The following CFDP1 variants were observed in gnomAD, a reference collection of about 807,000 sequenced individuals.
The protein encoded by CFDP1 is heterochromatin-stabilizing protein CFDP1.
A neutral mutation model predicts 40.1 loss-of-function variants in CFDP1; 31 were observed. That is an observed-to-expected ratio of 0.77 (90% CI 0.58 to 1.04). CFDP1 has a LOEUF of 1.04. CFDP1 is among the 50% of genes least tolerant of loss of function. CFDP1 has a pLI of 0.00. For synonymous variants in CFDP1, 167 were observed against 120.0 expected (o/e 1.39, Z -2.56); for missense variants, 423 against 343.4 (o/e 1.23, Z -1.83).
chr16:75,327,743 G>C (rs1361619415), intron 5 of CFDP1, among the ~76,000 whole-genome samples: 1 of 152,118 alleles, frequency 6.6e-6, no homozygotes, highest in Non-Finnish European at 1.5e-5. Context: ...ATTATTTTGA[G>C]ACAGTGTTTG....
chr16:75,334,662 T>C (rs771187220), intron 5 of CFDP1, among the ~76,000 whole-genome samples: 4 of 151,902 alleles, frequency 2.6e-5, no homozygotes, highest in Non-Finnish European at 5.9e-5. Context: ...CTTATGAAAT[T>C]GAAATCTAGA....
intron 1 of CFDP1, among the ~76,000 whole-genome samples, chr16:75,429,969 T>C (rs1251212868): frequency 1.3e-5 from 2 of 152,120 alleles, no homozygotes; most frequent in African/African-American, 2.4e-5. Context: ...TTATATATTT[T>C]AGGGAGGCAT....
At chr16:75,426,424 G>C (rs779877097) in intron 1 of CFDP1, among the ~76,000 whole-genome samples, 7 of 151,888 alleles carry the variant, frequency 4.6e-5, no homozygotes, top group African/African-American at 7.3e-5. Flanking sequence ...TTGTAATCCC[G>C]AGTTAGGCAA....
intron 5 of CFDP1, among the ~76,000 whole-genome samples, chr16:75,313,275 G>C (rs1047348798): frequency 1.3e-5 from 2 of 152,240 alleles, no homozygotes; most frequent in Non-Finnish European, 2.9e-5. Flanking sequence ...ATATAATGCA[G>C]AGAGAAATGC....
chr16:75,329,141 G>A (rs1300534519), intron 5 of CFDP1, among the ~76,000 whole-genome samples: 1 of 152,082 alleles, frequency 6.6e-6, no homozygotes, highest in African/African-American at 2.4e-5. Flanking sequence ...GAGAGCCACT[G>A]TGCCCGGCCA....
intron 5 of CFDP1, among the ~76,000 whole-genome samples, chr16:75,381,971 C>A (rs1335123905): frequency 6.6e-6 from 1 of 152,020 alleles, no homozygotes; most frequent in Non-Finnish European, 1.5e-5. Context: ...AGACAATTAG[C>A]CAGGCATGGT....
chr16:75,426,091 C>G (rs1156357397), intron 1 of CFDP1, among the ~76,000 whole-genome samples: 1 of 140,910 alleles, frequency 7.1e-6, no homozygotes, highest in African/African-American at 2.7e-5. Flanking sequence ...TGGCTTATGC[C>G]TATAATCCCA....
At chr16:75,372,166 T>C (rs1188859253) in intron 5 of CFDP1, 1 of 152,226 alleles carries the variant, frequency 6.6e-6, no homozygotes, top group African/African-American at 2.4e-5. Flanking sequence ...GACAGCTTTC[T>C]CTTCCCTATA....
chr16:75,322,642 GAAATCTAAAATGTTCCAAAATCCA>G (rs2078372965), intron 5 of CFDP1, among the ~76,000 whole-genome samples: 1 of 152,012 alleles, frequency 6.6e-6, no homozygotes, highest in African/African-American at 2.4e-5. Flanking sequence ...CCAAAAATCT[GAAATCTAAAATGTTCCAAAATCCA>G]AAATATTTTG....
intron 6 of CFDP1, among the ~76,000 whole-genome samples, chr16:75,302,327 C>A (rs1315018189): frequency 6.6e-6 from 1 of 152,170 alleles, no homozygotes; most frequent in African/African-American, 2.4e-5. Context: ...CTGGTGCGAT[C>A]AGAGCTCACT....
intron 5 of CFDP1, among the ~76,000 whole-genome samples, chr16:75,383,693 C>T (rs1023568244): frequency 1.3e-5 from 2 of 151,980 alleles, no homozygotes; most frequent in Non-Finnish European, 2.9e-5. Flanking sequence ...GTGGTGGGCG[C>T]CTTTAGTCCC....
chr16:75,385,701 C>T (rs956017354), intron 5 of CFDP1, among the ~76,000 whole-genome samples: 1 of 152,082 alleles, frequency 6.6e-6, no homozygotes, highest in Admixed American at 6.6e-5. Context: ...CAAAGACGAG[C>T]TATCTTTTCA....
chr16:75,425,529 G>A (rs574856011), intron 1 of CFDP1, among the ~76,000 whole-genome samples: 8 of 152,012 alleles, frequency 5.3e-5, no homozygotes, highest in African/African-American at 1.9e-4. Context: ...ATGAAACTGT[G>A]GAAACAGAGG....
At chr16:75,373,176 G>C (rs1713988385) in intron 5 of CFDP1, among the ~76,000 whole-genome samples, 1 of 152,164 alleles carries the variant, frequency 6.6e-6, no homozygotes, top group Non-Finnish European at 1.5e-5. Flanking sequence ...AGTTACATGT[G>C]CTAAGTGAAA....
At chr16:75,328,615 A>AC (rs1223821654) in intron 5 of CFDP1, among the ~76,000 whole-genome samples, 1 of 149,936 alleles carries the variant, frequency 6.7e-6, no homozygotes. Context: ...AAAAAAAAAA[A>AC]AAAAAAAACT....
intron 5 of CFDP1, among the ~76,000 whole-genome samples, chr16:75,318,652 C>A (rs1412620310): frequency 2.6e-4 from 40 of 152,128 alleles, no homozygotes; most frequent in Admixed American, 2.6e-3. Context: ...GATCCGCCCG[C>A]CTTGGCCTCC....
At chr16:75,300,711 C>G (rs72804135) in intron 6 of CFDP1, among the ~76,000 whole-genome samples, 15,775 of 152,078 alleles carry the variant, frequency 0.1, 974 homozygotes, top group African/African-American at 0.17. Flanking sequence ...TTTGATGTGT[C>G]TTGGACAACC....
intron 4 of CFDP1, among the ~76,000 whole-genome samples, chr16:75,397,487 C>T (rs558405945): frequency 1.3e-5 from 2 of 151,890 alleles, no homozygotes; most frequent in Non-Finnish European, 2.9e-5. Flanking sequence ...GCCCTGACAA[C>T]AGAGCAAGAC....
chr16:75,300,977 G>A (rs1597317153), intron 6 of CFDP1, among the ~76,000 whole-genome samples: 2 of 152,196 alleles, frequency 1.3e-5, no homozygotes, highest in Admixed American at 6.5e-5. Context: ...ACTTCCCACC[G>A]CTGTGGAAAA....
Sources: allele counts gnomAD v4.1 joint callset (sites outside exome capture counted in the v4.1 genomes callset), GRCh38; gene constraint gnomAD v4.1.1; transcripts MANE v1.5; gene names NCBI Gene and HGNC (gene_info 2026-07-23, HGNC 2026-07-21).